The following METTL18 variants were observed in gnomAD, a reference collection of about 807,000 sequenced individuals.
METTL18 encodes methyltransferase 18, RPL3 N3(tau)-histidine.
Under a neutral mutation model 19.6 loss-of-function variants are expected in METTL18, and 15 were observed. That is an observed-to-expected ratio of 0.77 (90% CI 0.51 to 1.18). The LOEUF (loss-of-function observed/expected upper bound fraction) is 1.18. Among genes scored for constraint, METTL18 ranks in the 50% most tolerant of loss-of-function variants. The pLI, the probability that METTL18 is intolerant of heterozygous loss-of-function variation, is 0.00. For synonymous variants in METTL18, 131 were observed against 145.2 expected (o/e 0.90, Z 0.70); for missense variants, 392 against 418.8 (o/e 0.94, Z 0.56).
rs1650180310 is a variant in METTL18, at chr1:169,792,954, C to T, written c.742G>A (p.Asp248Asn). 2 of 1,613,992 alleles carry T rather than the reference C, an allele frequency of 1.2e-6. No homozygotes were observed. The highest frequency in any genetic ancestry group is 1.1e-5 in the South Asian group (1 of 91,036). ...TTTGGTTTCCTGCATCTTTTCACAT[C>T]TGGCTCATTTACATCATTTTCTTCA... Reference protein sequence around the residue: ...EDEENDVNEPDVKRCRKPKVT... With the variant: ...EDEENDVNEPNVKRCRKPKVT... The change falls in exon 2 of 2, where the codon GAT (aspartate) becomes AAT (asparagine). Residue 248 changes from aspartate (D) to asparagine (N), a missense_variant. Asp to Asn is a conservative substitution (Grantham distance 23, BLOSUM62 1). Coordinates refer to ENST00000310392, the MANE Select transcript of METTL18 (RefSeq NM_033418.4).
Position 169,793,766 on chromosome 1 carries a change from C to T in METTL18, c.-71G>A. On this transcript the variant is annotated 5_prime_UTR_variant, in exon 2 of 2. The change creates a new upstream start codon in the 5' untranslated region. Transcript: ENST00000310392. Reference sequence around the variant, plus strand: ...TCTGGATAGAATTTGATGATACACACAAATCTGCCTCAATTATTCAATTAG... The same window carrying T: ...TCTGGATAGAATTTGATGATACACATAAATCTGCCTCAATTATTCAATTAG... The T allele has an allele frequency of 7.2e-7, 1 of 1,394,914 alleles. No homozygotes were observed. Among genetic ancestry groups the T allele is most frequent in the Non-Finnish European group, 9.7e-7 (1 of 1,030,930 alleles). The allele number at this position is 1,394,914 out of a possible 1,614,324, so 86.4% of individuals were successfully genotyped here. A position where few individuals can be genotyped will look rare whatever the true frequency, so the allele number is the denominator to read the frequency against.
Position 169,792,533 on chromosome 1 carries a change from T to C in METTL18, c.*44A>G. The C allele has an allele frequency of 7.0e-7, 1 of 1,427,046 alleles. No homozygotes were observed. The allele number at this position is 1,427,046 out of a possible 1,614,324, so 88.4% of individuals were successfully genotyped here. On this transcript the variant is annotated 3_prime_UTR_variant, in exon 2 of 2. Coordinates refer to ENST00000310392, the MANE Select transcript of METTL18 (RefSeq NM_033418.4). ...AACAGAAATCAAACACTCAAATTTT[T>C]GGTCCTTCTGTTTATTTCATTTTGG...
chr1:169,793,237 A>T lies in METTL18; in HGVS notation c.459T>A (p.Ser153=), dbSNP rs774269489. Residue 153 remains serine, a synonymous_variant, in exon 2 of 2, where the codon TCT becomes TCA. Coordinates refer to ENST00000310392, the MANE Select transcript of METTL18 (RefSeq NM_033418.4). ...GENIVSKSFS[S]HSDLITGVYE... ...AAACACCTGTAATCAGATCAGAGTGAGAAGAAAAGCTTTTTGAAACTATGT... is the reference window on the plus strand; with the variant it reads ...AAACACCTGTAATCAGATCAGAGTGTGAAGAAAAGCTTTTTGAAACTATGT... 51 of 1,614,068 alleles carry T rather than the reference A, an allele frequency of 3.2e-5. No homozygotes were observed. Among genetic ancestry groups the T allele is most frequent in the Non-Finnish European group, 4.2e-5 (49 of 1,180,036 alleles).
chr1:169,792,939 T>G lies in METTL18; in HGVS notation c.757A>C (p.Arg253=). 6.2e-7 allele frequency: 1 copy of G among 1,614,114 alleles called. No individual in the cohort carries two copies. ...TATAGTTGTGTTACTTTTGGTTTCC[T>G]GCATCTTTTCACATCTGGCTCATTT... The part of the protein sequence containing the change: ...DVNEPDVKRC[R]KPKVTQLYKC... The change falls in exon 2 of 2, where the codon AGG becomes CGG. Residue 253 remains arginine, a synonymous_variant. Transcript: ENST00000310392.
At position 169,793,905 on chromosome 1, in the gene METTL18, G is replaced by GA. The variant is rs71713237; in HGVS notation, c.-202-9dup. The GA allele has an allele frequency of 0.052, 11,403 of 219,066 alleles. 6 individuals carry two copies. Among genetic ancestry groups the GA allele is most frequent in the East Asian group, 0.067 (927 of 13,882 alleles). 13.6% of individuals were successfully genotyped at this position (219,066 alleles called of 1,614,324 possible). A position where few individuals can be genotyped will look rare whatever the true frequency, so the allele number is the denominator to read the frequency against. On this transcript the variant is annotated splice_polypyrimidine_tract_variant and intron_variant, in intron 1 of 1. Coordinates refer to ENST00000310392, the MANE Select transcript of METTL18 (RefSeq NM_033418.4). ...TCCTCTTTCCAAGCAGCTCTGGAAA[G>GA]AAAAAAAAAAAAAAAAGAAAGAAAA...
Position 169,792,943 on chromosome 1 carries a change from T to A in METTL18, c.753A>T (p.Arg251Ser), listed in dbSNP as rs751742771. The A allele has an allele frequency of 4.3e-6, 7 of 1,613,964 alleles. No homozygotes were observed. The African/African-American group carries it at 9.3e-5, about 22-fold the overall frequency. The change falls in exon 2 of 2, where the codon AGA becomes AGT. Residue 251 changes from arginine to serine, a missense_variant. Physicochemically the swap from Arg to Ser is moderately radical, Grantham distance 110. Transcript: ENST00000310392. ...GTTGTGTTACTTTTGGTTTCCTGCA[T>A]CTTTTCACATCTGGCTCATTTACAT... ...ENDVNEPDVK[R>S]CRKPKVTQLY...
Position 169,793,385 on chromosome 1 carries a change from GC to G in METTL18, c.310del (p.Ala104LeufsTer6). On this transcript the variant is annotated frameshift_variant, in exon 2 of 2. Transcript: ENST00000310392. LOFTEE classifies it high-confidence loss of function. ...QPSLRAAKEH[A>X]MPKDLKKMLE... ...CATCTTCTTTAAATCTTTAGGCATA[GC>G]ATGCTCTTTGGCAGCTCTCAAGGAG... 6.2e-7 allele frequency: 1 copy of G among 1,614,198 alleles called. No individual in the cohort carries two copies. Among genetic ancestry groups the G allele is most frequent in the Non-Finnish European group, 8.5e-7 (1 of 1,180,032 alleles).
rs1180349107 is a variant in METTL18, at chr1:169,793,463, G to A, written c.233C>T (p.Pro78Leu). ...NAAPSQDTDS[P>L]LSAASSSRNL... Reference sequence around the variant, plus strand: ...CCTTGAACTGCTGGCTGCACTGAGTGGACTGTCTGTGTCTTGAGAGGGAGC... The same window carrying A: ...CCTTGAACTGCTGGCTGCACTGAGTAGACTGTCTGTGTCTTGAGAGGGAGC... Residue 78 changes from proline to leucine, a missense_variant, in exon 2 of 2, where the codon CCA becomes CTA. By Grantham distance (98) the Pro-to-Leu change is moderately conservative. Coordinates refer to ENST00000310392, the MANE Select transcript of METTL18 (RefSeq NM_033418.4). 3 of 1,614,066 alleles carry A rather than the reference G, an allele frequency of 1.9e-6. No homozygotes were observed. Among genetic ancestry groups the A allele is most frequent in the African/African-American group, 1.3e-5 (1 of 74,916 alleles).
chr1:169,792,738 G>C lies in METTL18; in HGVS notation c.958C>G (p.Leu320Val), dbSNP rs752909544. ...AAATAATGTGCTTTGCTGGCCAAAA[G>C]TACACGTCCATTTTTACTTAACAGT... ...LRLLSKNGRV[L>V]LASKAHYFGV... is the part of the protein sequence containing the mutation. The change falls in exon 2 of 2, where the codon CTT becomes GTT. Residue 320 changes from leucine (L) to valine (V), a missense_variant. Physicochemically the swap from Leu to Val is conservative, Grantham distance 32 (BLOSUM62 1). Coordinates refer to ENST00000310392, the MANE Select transcript of METTL18 (RefSeq NM_033418.4). 1 of 1,613,832 alleles carries C rather than the reference G, an allele frequency of 6.2e-7. No individual in the cohort carries two copies. The highest frequency in any genetic ancestry group is 1.7e-5 in the Admixed American group (1 of 59,976).
intron 1 of METTL18, among the ~76,000 whole-genome samples, chr1:169,794,245 C>T (rs1650314503): frequency 6.6e-6 from 1 of 152,196 alleles, no homozygotes; most frequent in Admixed American, 6.5e-5. Flanking sequence ...CAACCATATT[C>T]ACCCCCTAAG....
intron 1 of METTL18, among the ~76,000 whole-genome samples, chr1:169,794,246 A>AC (rs1650315028): frequency 6.6e-6 from 1 of 152,062 alleles, no homozygotes; most frequent in Non-Finnish European, 1.5e-5. Flanking sequence ...AACCATATTC[A>AC]CCCCCTAAGC....
rs544006707 is a variant in METTL18, at chr1:169,793,606, T to C, written c.90A>G (p.Ser30=). 6.8e-6 allele frequency: 11 copies of C among 1,614,108 alleles called. No individual in the cohort carries two copies. Among genetic ancestry groups the C allele is most frequent in the Non-Finnish European group, 9.3e-6 (11 of 1,180,044 alleles). ...GACTTTCTGAGACTGACAGCTCTTTTGAGGAATCCAGGGTCAAAGCTCCAT... is the reference window on the plus strand; with the variant it reads ...GACTTTCTGAGACTGACAGCTCTTTCGAGGAATCCAGGGTCAAAGCTCCAT... The part of the protein sequence containing the change: ...IRDGALTLDS[S]KELSVSESQK... Residue 30 remains serine (S), a synonymous_variant, in exon 2 of 2, where the codon TCA becomes TCG. Coordinates refer to ENST00000310392, the MANE Select transcript of METTL18 (RefSeq NM_033418.4).
In METTL18 at chr1:169,793,232, G is replaced by A. The variant is rs367854228; in HGVS notation, c.464C>T (p.Ser155Phe). 25 of 1,614,068 alleles carry A rather than the reference G, an allele frequency of 1.5e-5. No individual in the cohort carries two copies. The highest frequency in any genetic ancestry group is 1.6e-4 in the Middle Eastern group (1 of 6,084). The change falls in exon 2 of 2, where the codon TCT becomes TTT. Residue 155 changes from serine to phenylalanine, a missense_variant. By Grantham distance (155) the Ser-to-Phe change is radical (BLOSUM62 -2). Transcript: ENST00000310392. The part of the protein sequence containing the change: ...NIVSKSFSSH[S>F]DLITGVYEGG... The stretch of plus-strand genomic sequence containing the variant: ...CTCATAAACACCTGTAATCAGATCA[G>A]AGTGAGAAGAAAAGCTTTTTGAAAC...
chr1:169,793,903 AAG>A lies in METTL18; in HGVS notation c.-202-8_-202-7del. 19 of 422,218 alleles carry A rather than the reference AAG, an allele frequency of 4.5e-5. No homozygotes were observed. Among genetic ancestry groups the A allele is most frequent in the Middle Eastern group, 6.2e-4 (1 of 1,616 alleles). 26.2% of individuals were successfully genotyped at this position (422,218 alleles called of 1,614,324 possible). A position where few individuals can be genotyped will look rare whatever the true frequency, so the allele number is the denominator to read the frequency against. On this transcript the variant is annotated splice_region_variant and splice_polypyrimidine_tract_variant and intron_variant, in intron 1 of 1. Coordinates refer to ENST00000310392, the MANE Select transcript of METTL18 (RefSeq NM_033418.4). ...GGTCCTCTTTCCAAGCAGCTCTGGA[AAG>A]AAAAAAAAAAAAAAAAGAAAGAAAA...
rs767765977 is a variant in METTL18, at chr1:169,792,979, A to C, written c.717T>G (p.Asp239Glu). 23 of 1,613,878 alleles carry C rather than the reference A, an allele frequency of 1.4e-5. No homozygotes were observed. The highest frequency in any genetic ancestry group is 1.8e-5 in the Non-Finnish European group (21 of 1,179,960). The change falls in exon 2 of 2, where the codon GAT (aspartate) becomes GAG (glutamate). Residue 239 changes from aspartate (D) to glutamate (E), a missense_variant. Transcript: ENST00000310392. ...CTGGCTCATTTACATCATTTTCTTC[A>C]TCTTCCAAAGTGGAGTTAGCTACTA... is the stretch of plus-strand genomic sequence containing the variant. Reference protein sequence around the residue: ...PNVVANSTLEDEENDVNEPDV... With the variant: ...PNVVANSTLEEEENDVNEPDV...
In METTL18 at chr1:169,793,537, A is replaced by G. The variant is rs1442026937; in HGVS notation, c.159T>C (p.Phe53=). ...CCCACAAGTGATCCTGAGGCAAGTC[A>G]AATTGTTCTGCAGAACATTTTCTGT... ...ERDRKCSAEQ[F]DLPQDHLWEH... The change falls in exon 2 of 2, where the codon TTT becomes TTC. Residue 53 remains phenylalanine (F), a synonymous_variant. Transcript: ENST00000310392. 1.2e-6 allele frequency: 2 copies of G among 1,614,112 alleles called. No homozygotes were observed. Among genetic ancestry groups the G allele is most frequent in the Non-Finnish European group, 1.7e-6 (2 of 1,180,048 alleles).
Position 169,793,890 on chromosome 1 carries a change from A to C in METTL18, c.-195T>G. On this transcript the variant is annotated 5_prime_UTR_variant, in exon 2 of 2. Transcript: ENST00000310392. ...TTTAGACGTCTTTGGTCCTCTTTCC[A>C]AGCAGCTCTGGAAAGAAAAAAAAAA... 1 of 445,666 alleles carries C rather than the reference A, an allele frequency of 2.2e-6. No homozygotes were observed. The highest frequency in any genetic ancestry group is 4.0e-6 in the Non-Finnish European group (1 of 251,834). The allele number at this position is 445,666 out of a possible 1,614,324, so 27.6% of individuals were successfully genotyped here.
rs1650229293 is a variant in METTL18, at chr1:169,793,420, T to C, written c.276A>G (p.Gly92=). The C allele has an allele frequency of 5.6e-6, 9 of 1,614,206 alleles. No individual in the cohort carries two copies. The East Asian group carries it at 2.0e-4, about 36-fold the overall frequency. The part of the protein sequence containing the change: ...ASSSRNLEPH[G]KQPSLRAAKE... Reference sequence around the variant, plus strand: ...TGGCAGCTCTCAAGGAGGGCTGTTTTCCATGTGGCTCCAAGTTCCTTGAAC... The same window carrying C: ...TGGCAGCTCTCAAGGAGGGCTGTTTCCCATGTGGCTCCAAGTTCCTTGAAC... The change falls in exon 2 of 2, where the codon GGA becomes GGG. Residue 92 remains glycine (G), a synonymous_variant. Transcript: ENST00000310392.
Position 169,793,088 on chromosome 1 carries a change from A to G in METTL18, c.608T>C (p.Ile203Thr). ...TTTGGACCCTCCCTTGAATGCAGTT[A>G]TACCTAGTAAACCTGATCCACAACC... ...DLGCGSGLLGITAFKGGSKEI... is the reference protein window; with the variant it reads ...DLGCGSGLLGTTAFKGGSKEI... The change falls in exon 2 of 2, where the codon ATA becomes ACA. Residue 203 changes from isoleucine (I) to threonine (T), a missense_variant. Coordinates refer to ENST00000310392, the MANE Select transcript of METTL18 (RefSeq NM_033418.4). 1.2e-6 allele frequency: 2 copies of G among 1,614,182 alleles called. No individual in the cohort carries two copies. The highest frequency in any genetic ancestry group is 1.7e-6 in the Non-Finnish European group (2 of 1,180,028).
Sources: gnomAD v4.1 joint callset for allele counts (sites outside exome capture counted in the v4.1 genomes callset) on GRCh38, gnomAD v4.1.1 for gene constraint, MANE v1.5 for transcripts, NCBI Gene and HGNC (gene_info 2026-07-23, HGNC 2026-07-21) for gene names.